Variants in PCDHA13 observed in about 807,000 individuals in gnomAD.
PCDHA13 encodes protocadherin alpha-13.
A neutral mutation model predicts 64.8 loss-of-function variants in PCDHA13; 54 were observed. The observed-to-expected ratio is 0.83, with a 90% CI of 0.67 to 1.04. The LOEUF (loss-of-function observed/expected upper bound fraction) is 1.04. Ranked by LOEUF, PCDHA13 falls within the 50% of genes least tolerant of loss-of-function variation. The pLI is 0.00. For missense variants in PCDHA13, 1,248 were observed against 1,254.3 expected (o/e 0.99, Z 0.08); for synonymous variants, 587 against 564.4 (o/e 1.04, Z -0.57).
intron 1 of PCDHA13, chr5:140,930,064 C>G (rs2153602971): frequency 6.6e-6 from 1 of 152,306 alleles, no homozygotes; most frequent in Non-Finnish European, 1.5e-5. Context: ...TACACAAAAA[C>G]TGTAAGCCTC....
At position 140,883,658 on chromosome 5, in the gene PCDHA13, G is replaced by C. The variant is rs573544891; in HGVS notation, c.1390G>C (p.Val464Leu). 2 of 1,613,994 alleles carry C rather than the reference G, an allele frequency of 1.2e-6. No homozygotes were observed. Among genetic ancestry groups the C allele is most frequent in the African/African-American group, 2.7e-5 (2 of 75,056 alleles). Residue 464 changes from valine to leucine, a missense_variant, in exon 1 of 4, where the codon GTG (valine) becomes CTG (leucine). Coordinates refer to ENST00000289272, the MANE Select transcript of PCDHA13 (RefSeq NM_018904.3). Reference protein sequence around the residue: ...AFAQPEYTVFVKENNPPGCHI... With the variant: ...AFAQPEYTVFLKENNPPGCHI... ...CGCGCAGCCCGAGTACACGGTGTTC[G>C]TGAAGGAAAACAATCCGCCGGGCTG... is the stretch of plus-strand genomic sequence containing the variant.
intron 1 of PCDHA13, among the ~76,000 whole-genome samples, chr5:140,895,123 T>C (rs1583185390): frequency 6.6e-6 from 1 of 152,300 alleles, no homozygotes; most frequent in East Asian, 1.9e-4. Flanking sequence ...CATTTGTTAG[T>C]TGACAAGTTC....
At chr5:140,889,949 A>G (rs1444545834) in intron 1 of PCDHA13, among the ~76,000 whole-genome samples, 1 of 152,202 alleles carries the variant, frequency 6.6e-6, no homozygotes, top group South Asian at 2.1e-4. Flanking sequence ...GAGAAGCCAA[A>G]TGGATAGAAA....
intron 1 of PCDHA13, among the ~76,000 whole-genome samples, chr5:140,930,604 G>C (rs2086982661): frequency 6.6e-6 from 1 of 152,108 alleles, no homozygotes; most frequent in South Asian, 2.1e-4. Flanking sequence ...AGAAATCCTA[G>C]ATGCAAGAGA....
intron 1 of PCDHA13, among the ~76,000 whole-genome samples, chr5:140,960,254 C>T (rs2095534958): frequency 6.6e-6 from 1 of 152,138 alleles, no homozygotes; most frequent in South Asian, 2.1e-4. Flanking sequence ...CTTCCTGGAG[C>T]TTCTGATAAA....
chr5:140,903,642 A>G (rs1583499752), intron 1 of PCDHA13, among the ~76,000 whole-genome samples: 2 of 152,374 alleles, frequency 1.3e-5, no homozygotes, highest in East Asian at 3.8e-4. Context: ...CATATACCAT[A>G]TACATATATT....
At chr5:141,003,515 G>T (rs1402480495) in intron 3 of PCDHA13, among the ~76,000 whole-genome samples, 1 of 152,114 alleles carries the variant, frequency 6.6e-6, no homozygotes, top group African/African-American at 2.4e-5. Context: ...GTTTCACCAT[G>T]TTCCCTAGGC....
At chr5:140,928,890 CTT>C in intron 1 of PCDHA13, 1 of 1,614,182 alleles carries the variant, frequency 6.2e-7, no homozygotes, top group South Asian at 1.1e-5. Context: ...TACTTCCAGA[CTT>C]TGAAGATGTC....
intron 3 of PCDHA13, chr5:140,989,128 G>T (rs2097330831): frequency 1.3e-5 from 2 of 152,178 alleles, no homozygotes; most frequent in Non-Finnish European, 2.9e-5. Flanking sequence ...AGAAAAATAA[G>T]ACACTTTATC....
In PCDHA13 at chr5:140,883,595, G is replaced by C; in HGVS notation, c.1327G>C (p.Val443Leu). 1 of 1,614,036 alleles carries C rather than the reference G, an allele frequency of 6.2e-7. No individual in the cohort carries two copies. The highest frequency in any genetic ancestry group is 8.5e-7 in the Non-Finnish European group (1 of 1,179,950). The part of the protein sequence containing the change: ...PSLWATASVS[V>L]GVADVNDNAP... ...GCTGTGGGCCACGGCCAGCGTGTCG[G>C]TGGGGGTGGCCGACGTGAACGACAA... is the stretch of plus-strand genomic sequence containing the variant. The change falls in exon 1 of 4, where the codon GTG (valine) becomes CTG (leucine). Residue 443 changes from valine to leucine, a missense_variant. Transcript: ENST00000289272.
intron 1 of PCDHA13, among the ~76,000 whole-genome samples, chr5:140,948,711 C>CT (rs1443735728): frequency 6.8e-6 from 1 of 147,398 alleles, no homozygotes; most frequent in African/African-American, 2.7e-5. Context: ...GTTCTATCCT[C>CT]TTTTTTATCA....
intron 1 of PCDHA13, among the ~76,000 whole-genome samples, chr5:140,891,792 G>A (rs2063250974): frequency 6.6e-6 from 1 of 152,152 alleles, no homozygotes; most frequent in Non-Finnish European, 1.5e-5. Flanking sequence ...TAGATTATGA[G>A]GGATCTGCCC....
chr5:140,885,083 C>T (rs1359793188), intron 1 of PCDHA13, among the ~76,000 whole-genome samples: 3 of 151,992 alleles, frequency 2.0e-5, no homozygotes, highest in Admixed American at 6.5e-5. Context: ...TAAAGAGCCC[C>T]ATAACTTTTC....
At chr5:140,948,313 G>T (rs1554218515) in intron 1 of PCDHA13, among the ~76,000 whole-genome samples, 2 of 151,362 alleles carry the variant, frequency 1.3e-5, no homozygotes, top group Non-Finnish European at 3.0e-5. Flanking sequence ...TCTTCTTGAG[G>T]GGTAATGTTT....
chr5:140,934,004 T>G (rs556218652), intron 1 of PCDHA13, among the ~76,000 whole-genome samples: 1 of 152,204 alleles, frequency 6.6e-6, no homozygotes, highest in Non-Finnish European at 1.5e-5. Flanking sequence ...CCTCTCATTT[T>G]TCTTGACTAG....
chr5:140,941,201 TC>T (rs1462646812), intron 1 of PCDHA13, among the ~76,000 whole-genome samples: 2 of 103,500 alleles, frequency 1.9e-5, no homozygotes, highest in African/African-American at 7.9e-5. Context: ...TTTTCTTTCT[TC>T]CTTTCTTTCT....
chr5:140,998,690 A>G (rs1310258939), intron 3 of PCDHA13, among the ~76,000 whole-genome samples: 1 of 151,696 alleles, frequency 6.6e-6, no homozygotes, highest in Non-Finnish European at 1.5e-5. Flanking sequence ...TCAGCCTCCC[A>G]AGTAGCTGGG....
intron 1 of PCDHA13, chr5:140,928,717 T>C: frequency 6.2e-7 from 1 of 1,614,208 alleles, no homozygotes; most frequent in Non-Finnish European, 8.5e-7. Context: ...CTCTAGTCTC[T>C]TTAGAATTTC....
rs185115696 is a variant in PCDHA13, at chr5:140,899,982, A to G, written c.2394+15320A>G. Among the ~76,000 whole-genome samples the G allele has an allele frequency of 7.7e-3, 1,166 of 150,716 alleles. 5 individuals carry two copies. The highest frequency in any genetic ancestry group is 0.018 in the African/African-American group (738 of 41,016). On this transcript the variant is annotated intron_variant, in intron 1 of 3. Coordinates refer to ENST00000289272, the MANE Select transcript of PCDHA13 (RefSeq NM_018904.3). Reference sequence around the variant, plus strand: ...GCTGCCATGCCCAGCTACTTTTTTGATTTTTTTTGTAGAGATGAGGTCTCA... The same window carrying G: ...GCTGCCATGCCCAGCTACTTTTTTGGTTTTTTTTGTAGAGATGAGGTCTCA...
Sources: gnomAD v4.1 joint callset for allele counts (sites outside exome capture counted in the v4.1 genomes callset) on GRCh38, gnomAD v4.1.1 for gene constraint, MANE v1.5 for transcripts, NCBI Gene and HGNC (gene_info 2026-07-23, HGNC 2026-07-21) for gene names.